Variants in RABEP1 observed in about 807,000 individuals in gnomAD.
RABEP1 encodes rabaptin, RAB GTPase binding effector protein 1, also known as rab GTPase-binding effector protein 1.
A neutral mutation model predicts 123.4 loss-of-function variants in RABEP1; 51 were observed. The observed-to-expected ratio is 0.41, with a 90% CI of 0.33 to 0.52. The LOEUF is 0.52. RABEP1 is among the 20% of genes least tolerant of loss of function. RABEP1 has a pLI of 0.16. For synonymous variants in RABEP1, 347 were observed against 355.2 expected, an observed-to-expected ratio of 0.98 and a Z score of 0.26; for missense variants, 888 against 996.3, an observed-to-expected ratio of 0.89 and a Z score of 1.46.
intron 14 of RABEP1, 48 bp downstream of exon 14, chr17:5,377,353 C>T: frequency 6.8e-7 from 1 of 1,475,890 alleles, no homozygotes; most frequent in Non-Finnish European, 9.1e-7. Context: ...CTAAATAAAA[C>T]TTTAGTAAAA....
chr17:5,385,677 G>C lies in RABEP1; in HGVS notation c.*2454G>C, dbSNP rs1372438295. Reference sequence around the variant, plus strand: ...GGTAATACAGCTTGTGAGGAAGTGAGCCAGCAGTGGCCTTTGCAATTGTGG... The same window carrying C: ...GGTAATACAGCTTGTGAGGAAGTGACCCAGCAGTGGCCTTTGCAATTGTGG... On this transcript the variant is annotated 3_prime_UTR_variant, in exon 18 of 18. Coordinates refer to ENST00000537505, the MANE Select transcript of RABEP1 (RefSeq NM_004703.6). 1 of 231,040 alleles carries C rather than the reference G, an allele frequency of 4.3e-6. No individual in the cohort carries two copies. Among genetic ancestry groups the C allele is most frequent in the East Asian group, 6.2e-5 (1 of 16,232 alleles). 14.3% of individuals were successfully genotyped at this position (231,040 alleles called of 1,614,324 possible).
intron 1 of RABEP1, among the ~76,000 whole-genome samples, chr17:5,294,398 A>G (rs893516267): frequency 1.3e-5 from 2 of 152,050 alleles, no homozygotes; most frequent in African/African-American, 4.8e-5. Context: ...ATAAACCAAT[A>G]AAACAATAAG....
At chr17:5,287,568 C>T (rs1232090787) in intron 1 of RABEP1, among the ~76,000 whole-genome samples, 2 of 142,494 alleles carry the variant, frequency 1.4e-5, no homozygotes, top group Non-Finnish European at 3.0e-5. Flanking sequence ...CACCGTGCTC[C>T]AGCCTGGGCA....
intron 3 of RABEP1, 69 bp from the exon 4 acceptor site, chr17:5,335,115 A>G: frequency 7.2e-7 from 1 of 1,383,764 alleles, no homozygotes; most frequent in Non-Finnish European, 9.8e-7. Flanking sequence ...TAACTTTAAA[A>G]AATTTAGTGT....
intron 2 of RABEP1, among the ~76,000 whole-genome samples, chr17:5,330,014 A>G (rs1906377413): frequency 6.6e-6 from 1 of 152,286 alleles, no homozygotes; most frequent in South Asian, 2.1e-4. Context: ...ACCAGAGGTA[A>G]TTAGCATGAG....
chr17:5,312,822 C>G (rs551552821), intron 2 of RABEP1, among the ~76,000 whole-genome samples: 18 of 152,206 alleles, frequency 1.2e-4, no homozygotes, highest in African/African-American at 3.4e-4. Flanking sequence ...ATAGTCCTGT[C>G]TGGACTAGGC....
intron 1 of RABEP1, among the ~76,000 whole-genome samples, chr17:5,285,104 GT>G (rs2074964950): frequency 6.6e-6 from 1 of 152,070 alleles, no homozygotes; most frequent in Non-Finnish European, 1.5e-5. Flanking sequence ...GTTAAAAAAA[GT>G]TTTGGGTTTT....
intron 2 of RABEP1, among the ~76,000 whole-genome samples, chr17:5,319,397 C>T (rs1272332206): frequency 6.6e-6 from 1 of 151,084 alleles, no homozygotes; most frequent in Admixed American, 6.6e-5. Flanking sequence ...GGTGGAGTCT[C>T]ACTTCATCAC....
chr17:5,326,919 C>A (rs1906032419), intron 2 of RABEP1, among the ~76,000 whole-genome samples: 1 of 152,138 alleles, frequency 6.6e-6, no homozygotes, highest in Non-Finnish European at 1.5e-5. Context: ...CTGACAAAAA[C>A]CTAGATGTTA....
chr17:5,327,540 C>T (rs537139213), intron 2 of RABEP1, among the ~76,000 whole-genome samples: 37 of 152,156 alleles, frequency 2.4e-4, no homozygotes, highest in African/African-American at 7.7e-4. Flanking sequence ...GATTATTTTG[C>T]ATGTGACTAT....
chr17:5,291,445 T>G (rs1232670483), intron 1 of RABEP1, among the ~76,000 whole-genome samples: 1 of 152,140 alleles, frequency 6.6e-6, no homozygotes, highest in Non-Finnish European at 1.5e-5. Flanking sequence ...CATAATTCTG[T>G]CCTTTATTTT....
intron 13 of RABEP1, among the ~76,000 whole-genome samples, chr17:5,374,765 G>A (rs1470844114): frequency 6.6e-6 from 1 of 152,156 alleles, no homozygotes; most frequent in Non-Finnish European, 1.5e-5. Context: ...TCAGCTTCCT[G>A]AGTACTGGGA....
chr17:5,380,399 T>G lies in RABEP1; in HGVS notation c.2307T>G (p.Leu769=). The change falls in exon 16 of 18, where the codon CTT becomes CTG. Residue 769 remains leucine, a synonymous_variant. Coordinates refer to ENST00000537505, the MANE Select transcript of RABEP1 (RefSeq NM_004703.6). The part of the protein sequence containing the change: ...ESTLREKSQQ[L]ESLQEIKISL... ...CATTAAGAGAGAAGTCTCAACAGCT[T>G]GAGAGTCTTCAGGAAATAAAGATCA... 6.4e-7 allele frequency: 1 copy of G among 1,574,342 alleles called. No individual in the cohort carries two copies. Among genetic ancestry groups the G allele is most frequent in the Non-Finnish European group, 8.6e-7 (1 of 1,158,582 alleles).
At chr17:5,302,880 TAAG>T (rs1209352137) in intron 1 of RABEP1, among the ~76,000 whole-genome samples, 3 of 151,980 alleles carry the variant, frequency 2.0e-5, no homozygotes, top group African/African-American at 7.3e-5. Context: ...GTGAGTTTCT[TAAG>T]AGCAAAATTT....
At chr17:5,326,838 C>T (rs1906019403) in intron 2 of RABEP1, among the ~76,000 whole-genome samples, 1 of 152,118 alleles carries the variant, frequency 6.6e-6, no homozygotes, top group Non-Finnish European at 1.5e-5. Context: ...TTATGCATTG[C>T]TTCGTGATGG....
chr17:5,340,639 T>TA (rs57830996), intron 5 of RABEP1, among the ~76,000 whole-genome samples: 6,747 of 142,796 alleles, frequency 0.047, 172 homozygotes, highest in Middle Eastern at 0.095. Context: ...GCCAGATCTT[T>TA]AAAAAAAAAA....
intron 15 of RABEP1, among the ~76,000 whole-genome samples, chr17:5,379,616 G>T (rs951445777): frequency 6.6e-6 from 1 of 152,068 alleles, no homozygotes; most frequent in Non-Finnish European, 1.5e-5. Flanking sequence ...ACCAGCGCTC[G>T]AAATAACATC....
At chr17:5,366,633 A>G (rs1231878808) in intron 11 of RABEP1, among the ~76,000 whole-genome samples, 3 of 151,820 alleles carry the variant, frequency 2.0e-5, no homozygotes, top group Non-Finnish European at 4.4e-5. Flanking sequence ...TTTAGTAGAG[A>G]TGGGGTTTCA....
At chr17:5,334,300 C>T (rs1038494115) in intron 3 of RABEP1, among the ~76,000 whole-genome samples, 1 of 151,386 alleles carries the variant, frequency 6.6e-6, no homozygotes, top group African/African-American at 2.4e-5. Flanking sequence ...GGCATGATCT[C>T]GGCTCACTGC....
Sources: gnomAD v4.1 joint callset for allele counts (sites outside exome capture counted in the v4.1 genomes callset) on GRCh38, gnomAD v4.1.1 for gene constraint, MANE v1.5 for transcripts, NCBI Gene and HGNC (gene_info 2026-07-23, HGNC 2026-07-21) for gene names.